The following GPR63 variants were observed in gnomAD, a reference collection of about 807,000 sequenced individuals.
The protein encoded by GPR63 is G protein-coupled receptor 63, also known as probable G protein-coupled receptor 63.
In GPR63, 12 loss-of-function variants were observed where a neutral mutation model predicts 23.1. The observed-to-expected ratio is 0.52, with a 90% CI of 0.33 to 0.84. GPR63 has a LOEUF of 0.84. GPR63 is among the 40% of genes least tolerant of loss of function. The pLI, the probability that GPR63 is intolerant of heterozygous loss-of-function variation, is 0.02. For missense variants in GPR63, 472 were observed against 515.6 expected (o/e 0.92, Z 0.82); for synonymous variants, 172 against 191.1 (o/e 0.90, Z 0.82).
chr6:96,828,121 T>A (rs1774489000), intron 1 of GPR63, among the ~76,000 whole-genome samples: 1 of 151,994 alleles, frequency 6.6e-6, no homozygotes, highest in African/African-American at 2.4e-5. Flanking sequence ...ACAGACTGGG[T>A]GGCTTGAACA....
chr6:96,814,699 C>G (rs1169918924), intron 1 of GPR63, among the ~76,000 whole-genome samples: 2 of 152,130 alleles, frequency 1.3e-5, no homozygotes, highest in Admixed American at 6.5e-5. Flanking sequence ...GTCCCTCATC[C>G]CTGGTCTAAT....
At position 96,830,763 on chromosome 6, in the gene GPR63, A is replaced by C. The variant is rs558219484; in HGVS notation, c.-151+6505T>G. Among the ~76,000 whole-genome samples the C allele has an allele frequency of 2.4e-4, 37 of 152,288 alleles. 1 individual carries two copies. The South Asian group carries it at 7.5e-3, about 31-fold the overall frequency. ...TTTAGTTTCAAAAATAAAAGGGAGA[A>C]TTTCTCTCTAAATTTAGCCATCAGT... On this transcript the variant is annotated intron_variant, in intron 1 of 1. Coordinates refer to ENST00000229955, the MANE Select transcript of GPR63 (RefSeq NM_030784.4).
intron 1 of GPR63, among the ~76,000 whole-genome samples, chr6:96,819,432 C>T (rs1774243112): frequency 6.6e-6 from 1 of 152,060 alleles, no homozygotes; most frequent in Non-Finnish European, 1.5e-5. Flanking sequence ...AAACCAAACA[C>T]AGCATGTTCT....
chr6:96,823,892 C>T (rs1325386312), intron 1 of GPR63, among the ~76,000 whole-genome samples: 1 of 152,064 alleles, frequency 6.6e-6, no homozygotes, highest in Non-Finnish European at 1.5e-5. Flanking sequence ...TAGCCTACAC[C>T]ATAATATAGC....
At chr6:96,808,239 T>C (rs757268659) in intron 1 of GPR63, among the ~76,000 whole-genome samples, 2 of 152,194 alleles carry the variant, frequency 1.3e-5, no homozygotes, top group Non-Finnish European at 2.9e-5. Flanking sequence ...TACAGAAGTC[T>C]AGGTCTGCCA....
At chr6:96,832,555 G>C (rs1774615122) in intron 1 of GPR63, among the ~76,000 whole-genome samples, 2 of 151,844 alleles carry the variant, frequency 1.3e-5, no homozygotes, top group Admixed American at 6.6e-5. Flanking sequence ...TTACAGGCAT[G>C]AATGGCCATG....
chr6:96,806,950 T>C (rs1357335355), intron 1 of GPR63, among the ~76,000 whole-genome samples: 1 of 152,002 alleles, frequency 6.6e-6, no homozygotes, highest in Non-Finnish European at 1.5e-5. Context: ...GGGTGAAGAG[T>C]TGTAGCATTA....
intron 1 of GPR63, among the ~76,000 whole-genome samples, chr6:96,804,520 T>C (rs989105339): frequency 1.3e-5 from 2 of 152,224 alleles, no homozygotes; most frequent in Non-Finnish European, 2.9e-5. Flanking sequence ...ATTTTTTGTT[T>C]ACTCATTTTA....
At chr6:96,818,049 CA>C (rs1774208561) in intron 1 of GPR63, among the ~76,000 whole-genome samples, 1 of 151,816 alleles carries the variant, frequency 6.6e-6, no homozygotes, top group Non-Finnish European at 1.5e-5. Flanking sequence ...TCTATAGATT[CA>C]CAGCAATCTC....
chr6:96,804,955 T>A (rs938412645), intron 1 of GPR63, among the ~76,000 whole-genome samples: 7 of 152,230 alleles, frequency 4.6e-5, no homozygotes. Flanking sequence ...ATAAATAACT[T>A]ACATATTTAT....
At chr6:96,827,667 T>C (rs1562125859) in intron 1 of GPR63, among the ~76,000 whole-genome samples, 3 of 152,072 alleles carry the variant, frequency 2.0e-5, no homozygotes, top group Non-Finnish European at 4.4e-5. Context: ...AAAGATAGAT[T>C]CCCTGACAAA....
At chr6:96,820,654 T>G (rs1437687866) in intron 1 of GPR63, among the ~76,000 whole-genome samples, 1 of 152,196 alleles carries the variant, frequency 6.6e-6, no homozygotes, top group Non-Finnish European at 1.5e-5. Context: ...GTTATTTTCA[T>G]GCTATTCCAC....
At position 96,799,524 on chromosome 6, in the gene GPR63, GTGT is replaced by G. The variant is rs780162852; in HGVS notation, c.205_207del (p.Thr69del). 8 of 1,614,040 alleles carry G rather than the reference GTGT, an allele frequency of 5.0e-6. No homozygotes were observed. The East Asian group carries it at 1.6e-4, about 31-fold the overall frequency. ...AAGTTTAGGCTCTTAAATGCTGCTG[GTGT>G]TGTGGGCACAGCTGTACTATTCACG... On this transcript the variant is annotated inframe_deletion, in exon 2 of 2. Coordinates refer to ENST00000229955, the MANE Select transcript of GPR63 (RefSeq NM_030784.4).
intron 1 of GPR63, among the ~76,000 whole-genome samples, chr6:96,803,824 C>T (rs892099176): frequency 2.0e-5 from 3 of 152,164 alleles, no homozygotes; most frequent in South Asian, 2.1e-4. Flanking sequence ...CAACAGACAG[C>T]GTAGGTTGGT....
intron 1 of GPR63, among the ~76,000 whole-genome samples, chr6:96,811,366 G>T (rs1774039641): frequency 6.6e-6 from 1 of 152,172 alleles, no homozygotes; most frequent in Non-Finnish European, 1.5e-5. Context: ...TGAAATACTG[G>T]CGTTACTCAA....
In GPR63 at chr6:96,798,540, C is replaced by T. The variant is rs778330738; in HGVS notation, c.1192G>A (p.Gly398Ser). Residue 398 changes from glycine (G) to serine (S), a missense_variant, in exon 2 of 2, where the codon GGT (glycine) becomes AGT (serine). Gly to Ser is a moderately conservative substitution (Grantham distance 56). Coordinates refer to ENST00000229955, the MANE Select transcript of GPR63 (RefSeq NM_030784.4). ...KSFKFLPQLP[G>S]HTKRRIRPSA... ...GGACGTATCCGTCGCTTTGTGTGAC[C>T]AGGGAGCTGCGGCAAAAACTTGAAG... 1 of 1,614,194 alleles carries T rather than the reference C, an allele frequency of 6.2e-7. No individual in the cohort carries two copies. Among genetic ancestry groups the T allele is most frequent in the Non-Finnish European group, 8.5e-7 (1 of 1,180,032 alleles).
rs754269996 is a variant in GPR63 at position 96,799,818 on chromosome 6, T to C, written c.-87A>G. On this transcript the variant is annotated 5_prime_UTR_variant, in exon 2 of 2. Transcript: ENST00000229955. Reference sequence around the variant, plus strand: ...GAACAGCAGTATCAGGTCCCATTGATGGGCTTGGAAATACATTCTGGAAAA... The same window carrying C: ...GAACAGCAGTATCAGGTCCCATTGACGGGCTTGGAAATACATTCTGGAAAA... The C allele has an allele frequency of 1.2e-5, 16 of 1,344,904 alleles. No individual in the cohort carries two copies. Among genetic ancestry groups the C allele is most frequent in the Admixed American group, 1.7e-5 (1 of 58,702 alleles). 83.3% of individuals were successfully genotyped at this position (1,344,904 alleles called of 1,614,324 possible). A position where few individuals can be genotyped will look rare whatever the true frequency, so the allele number is the denominator to read the frequency against.
At chr6:96,827,161 A>G (rs866857504) in intron 1 of GPR63, among the ~76,000 whole-genome samples, 2 of 152,056 alleles carry the variant, frequency 1.3e-5, no homozygotes, top group Non-Finnish European at 1.5e-5. Context: ...TATGAAAATT[A>G]TTAGACAAAG....
rs150055286 is a variant in GPR63, at chr6:96,808,090, C to T, written c.-150-8209G>A. Among the ~76,000 whole-genome samples, 36 of 152,230 alleles carry T rather than the reference C, an allele frequency of 2.4e-4. No homozygotes were observed. The East Asian group carries it at 6.6e-3, about 28-fold the overall frequency. On this transcript the variant is annotated intron_variant, in intron 1 of 1. Transcript: ENST00000229955. ...ATACTTTGTTTTCTTTTACATATCA[C>T]ATGTATGTTTTCAAAAACATATTGC...
Sources: gnomAD v4.1 joint callset for allele counts (sites outside exome capture counted in the v4.1 genomes callset) on GRCh38, gnomAD v4.1.1 for gene constraint, MANE v1.5 for transcripts, NCBI Gene and HGNC (gene_info 2026-07-23, HGNC 2026-07-21) for gene names.